DNAH6: variants seen among roughly 807,000 people sequenced by gnomAD.
DNAH6 encodes dynein axonemal heavy chain 6.
A neutral mutation model predicts 491.4 loss-of-function variants in DNAH6; 340 were observed. The ratio of observed to expected loss-of-function variants is 0.69; its 90% CI spans 0.63 to 0.76. The LOEUF (loss-of-function observed/expected upper bound fraction) is 0.76. Ranked by LOEUF, DNAH6 falls within the 30% of genes least tolerant of loss-of-function variation. The probability of loss-of-function intolerance (pLI) is 0.00; values close to 1 mark genes in which losing one functional copy is unlikely to be tolerated. For synonymous variants in DNAH6, 1,603 were observed against 1,686.1 expected, an observed-to-expected ratio of 0.95 and a Z score of 1.21; for missense variants, 4,443 against 4,972.2, an observed-to-expected ratio of 0.89 and a Z score of 3.20.
At chr2:84,682,008 AAT>A (rs1553465241) in intron 42 of DNAH6, among the ~76,000 whole-genome samples, 1 of 152,200 alleles carries the variant, frequency 6.6e-6, no homozygotes. Context: ...CTTAAAAAAA[AAT>A]AATTTTCTTT....
chr2:84,547,200 T>A, intron 5 of DNAH6, 68 bp from the exon 6 acceptor site: 4 of 1,344,078 alleles, frequency 3.0e-6, no homozygotes, highest in East Asian at 2.5e-5. Flanking sequence ...ATTCTTGCTT[T>A]TTGAATGTTC....
chr2:84,634,110 A>G (rs1271079272), intron 29 of DNAH6, among the ~76,000 whole-genome samples: 1 of 152,248 alleles, frequency 6.6e-6, no homozygotes, highest in Non-Finnish European at 1.5e-5. Flanking sequence ...TGTGTCTGCC[A>G]TGTAGAATAC....
In DNAH6 at chr2:84,517,877, G is replaced by A; in HGVS notation, c.51G>A (p.Glu17=). ...DSEFDLTNIE[E]YAENSALSRL... is the part of the protein sequence containing the mutation. ...AATTTGACCTGACAAATATTGAAGA[G>A]TATGCCGAAAATTCTGCACTTTCAA... The change falls in exon 2 of 77, where the codon GAG becomes GAA. Residue 17 remains glutamate (E), a synonymous_variant. Transcript: ENST00000389394. The A allele has an allele frequency of 6.4e-7, 1 of 1,551,760 alleles. No individual in the cohort carries two copies. The highest frequency in any genetic ancestry group is 8.7e-7 in the Non-Finnish European group (1 of 1,147,000).
the DNAH6 span, among the ~76,000 whole-genome samples, chr2:84,474,405 G>A: frequency 6.6e-6 from 1 of 152,180 alleles, no homozygotes; most frequent in Admixed American, 6.5e-5. Context: ...AGCGAAACAA[G>A]AGGAATGGGA....
chr2:84,545,853 TA>T (rs139091415), intron 5 of DNAH6, among the ~76,000 whole-genome samples: 5 of 152,330 alleles, frequency 3.3e-5, no homozygotes, highest in East Asian at 1.9e-4. Context: ...TGATTTTTTT[TA>T]AAATAACCAA....
chr2:84,483,108 G>T, the DNAH6 span, among the ~76,000 whole-genome samples: 1 of 152,162 alleles, frequency 6.6e-6, no homozygotes, highest in African/African-American at 2.4e-5. Flanking sequence ...CTACAGGTAT[G>T]TGGCACCATG....
chr2:84,634,487 C>A lies in DNAH6; in HGVS notation c.4516-17C>A. Reference sequence around the variant, plus strand: ...AACTACACAATACAAAGTTGAACTGCTTTATTTTGATTTCAGATGATGGGG... The same window carrying A: ...AACTACACAATACAAAGTTGAACTGATTTATTTTGATTTCAGATGATGGGG... On this transcript the variant is annotated splice_polypyrimidine_tract_variant and intron_variant, in intron 29 of 76. Coordinates refer to ENST00000389394, the MANE Select transcript of DNAH6 (RefSeq NM_001370.2). 4 of 1,523,814 alleles carry A rather than the reference C, an allele frequency of 2.6e-6. No individual in the cohort carries two copies. The highest frequency in any genetic ancestry group is 3.5e-6 in the Non-Finnish European group (4 of 1,136,424). 94.4% of individuals were successfully genotyped at this position (1,523,814 alleles called of 1,614,324 possible). A position where few individuals can be genotyped will look rare whatever the true frequency, so the allele number is the denominator to read the frequency against.
chr2:84,784,011 G>GT (rs1676946368), intron 65 of DNAH6, among the ~76,000 whole-genome samples: 1 of 152,216 alleles, frequency 6.6e-6, no homozygotes, highest in African/African-American at 2.4e-5. Context: ...AAAGGCCCTA[G>GT]TGAGGGAGCC....
intron 23 of DNAH6, among the ~76,000 whole-genome samples, chr2:84,618,738 T>G (rs988728679): frequency 6.6e-6 from 1 of 152,160 alleles, no homozygotes; most frequent in African/African-American, 2.4e-5. Context: ...TTTGGAGAGA[T>G]TAAACATAAT....
chr2:84,550,036 G>T lies in DNAH6; in HGVS notation c.1464G>T (p.Lys488Asn). The change falls in exon 9 of 77, where the codon AAG (lysine) becomes AAT (asparagine). Residue 488 changes from lysine to asparagine, a missense_variant. Lys to Asn is a moderately conservative substitution (Grantham distance 94, BLOSUM62 0). Around this residue, in one of 3 missense-constraint regions of DNAH6, gnomAD observed 2,977 missense variants for 3,296.6 expected, o/e 0.90. Coordinates refer to ENST00000389394, the MANE Select transcript of DNAH6 (RefSeq NM_001370.2). ...TTCAGAAATGGATTACTGAAGAGAA[G>T]CCTGAAGTCCCTGATAAAAAGGTAT... ...DVIQKWITEE[K>N]PEVPDKKGTL... 1 of 1,612,854 alleles carries T rather than the reference G, an allele frequency of 6.2e-7. No individual in the cohort carries two copies. Among genetic ancestry groups the T allele is most frequent in the East Asian group, 2.2e-5 (1 of 44,858 alleles).
chr2:84,774,154 A>G (rs934764834), intron 64 of DNAH6, among the ~76,000 whole-genome samples: 2 of 152,082 alleles, frequency 1.3e-5, no homozygotes, highest in African/African-American at 4.8e-5. Context: ...GATGTCTAAA[A>G]TGGTGTTTCC....
intron 26 of DNAH6, among the ~76,000 whole-genome samples, chr2:84,622,169 G>A (rs980215571): frequency 3.3e-5 from 5 of 151,968 alleles, no homozygotes; most frequent in African/African-American, 7.3e-5. Context: ...TTTTAGATAC[G>A]TCATATAAAT....
intron 69 of DNAH6, among the ~76,000 whole-genome samples, chr2:84,796,784 C>T (rs1678397453): frequency 1.3e-5 from 2 of 152,072 alleles, no homozygotes; most frequent in Admixed American, 1.3e-4. Flanking sequence ...ATCACTTGAG[C>T]TCAGGAGTTC....
chr2:84,801,702 G>C (rs368557331), intron 70 of DNAH6, among the ~76,000 whole-genome samples: 2 of 151,916 alleles, frequency 1.3e-5, no homozygotes, highest in African/African-American at 4.8e-5. Context: ...TGGGCAACAC[G>C]GTGAAATCCT....
At chr2:84,512,715 T>C (rs1675384378), upstream of DNAH6, among the ~76,000 whole-genome samples, 1 of 152,214 alleles carries the variant, frequency 6.6e-6, no homozygotes, top group East Asian at 1.9e-4. Flanking sequence ...TTGTTCTAGC[T>C]TCTTGATGGA....
chr2:84,580,991 T>G (rs61734220), intron 14 of DNAH6, among the ~76,000 whole-genome samples: 23 of 152,176 alleles, frequency 1.5e-4, no homozygotes, highest in African/African-American at 3.9e-4. Flanking sequence ...TACTTCTGCT[T>G]CTTCTTACCA....
intron 36 of DNAH6, 120 bp downstream of exon 36, chr2:84,658,594 G>C (rs960224493): frequency 3.0e-6 from 2 of 666,644 alleles, no homozygotes. Flanking sequence ...AATTTTTCAG[G>C]GGACTAATAG....
Position 84,573,595 on chromosome 2 carries a change from G to A in DNAH6, c.1924+8G>A, listed in dbSNP as rs1371768374. 6.4e-7 allele frequency: 1 copy of A among 1,559,298 alleles called. No individual in the cohort carries two copies. The highest frequency in any genetic ancestry group is 1.2e-5 in the South Asian group (1 of 81,378). On this transcript the variant is annotated splice_region_variant and intron_variant, in intron 12 of 76. Transcript: ENST00000389394. ...TTAAACTTCAGGAACCTGGTAACTT[G>A]TCCATTTGTACTTACTAATTATTTT...
intron 15 of DNAH6, among the ~76,000 whole-genome samples, chr2:84,585,950 G>A (rs544437480): frequency 8.8e-4 from 134 of 152,284 alleles, no homozygotes; most frequent in Non-Finnish European, 1.6e-3. Flanking sequence ...AGGCCAATGT[G>A]GGGCCTCACC....
Sources: allele counts gnomAD v4.1 joint callset (sites outside exome capture counted in the v4.1 genomes callset), GRCh38; gene constraint gnomAD v4.1.1; regional missense constraint gnomAD v4.1.1; transcripts MANE v1.5; gene names NCBI Gene and HGNC (gene_info 2026-07-23, HGNC 2026-07-21).